Variants in RORA observed in about 807,000 individuals in gnomAD.
RORA encodes the protein RAR related orphan receptor A.
Under a neutral mutation model 69.5 loss-of-function variants are expected in RORA, and 7 were observed. That is an observed-to-expected ratio of 0.10 (90% CI 0.06 to 0.19). RORA has a LOEUF of 0.19. RORA is among the 10% of genes least tolerant of loss of function. RORA has a pLI of 1.00. For synonymous variants in RORA, 261 were observed against 240.8 expected (o/e 1.08, Z -0.78); for missense variants, 457 against 663.0 (o/e 0.69, Z 3.41).
At chr15:60,519,029 A>G (rs185079025) in intron 3 of RORA, among the ~76,000 whole-genome samples, 61 of 152,342 alleles carry the variant, frequency 4.0e-4, no homozygotes, top group Admixed American at 5.2e-4. Context: ...ATTGTTCTGT[A>G]TTATTATTAT....
intron 1 of RORA, among the ~76,000 whole-genome samples, chr15:60,773,484 T>G (rs1353572866): frequency 6.6e-6 from 1 of 152,174 alleles, no homozygotes; most frequent in African/African-American, 2.4e-5. Context: ...TTCAAAAATT[T>G]ACATTGGTAC....
At chr15:60,752,389 C>G (rs1354408978) in intron 1 of RORA, among the ~76,000 whole-genome samples, 1 of 152,068 alleles carries the variant, frequency 6.6e-6, no homozygotes, top group East Asian at 1.9e-4. Context: ...AGTGTGGCGA[C>G]GGTTGTTTTC....
At chr15:61,001,604 C>A (rs1894747084) in intron 1 of RORA, among the ~76,000 whole-genome samples, 1 of 152,220 alleles carries the variant, frequency 6.6e-6, no homozygotes, top group Non-Finnish European at 1.5e-5. Flanking sequence ...ACTCTTTCAA[C>A]AAGTATCTCC....
At chr15:61,206,897 G>A (rs1027626649) in intron 1 of RORA, among the ~76,000 whole-genome samples, 1 of 152,162 alleles carries the variant, frequency 6.6e-6, no homozygotes, top group Admixed American at 6.5e-5. Context: ...GGACCCAAGA[G>A]GCAGGGTGTG....
intron 1 of RORA, among the ~76,000 whole-genome samples, chr15:60,788,984 C>T (rs941933807): frequency 2.6e-5 from 4 of 152,174 alleles, no homozygotes; most frequent in South Asian, 2.1e-4. Flanking sequence ...ACCTACAAAG[C>T]GTTACCCACA....
intron 1 of RORA, among the ~76,000 whole-genome samples, chr15:60,954,793 C>T (rs1253392671): frequency 6.6e-6 from 1 of 152,174 alleles, no homozygotes; most frequent in African/African-American, 2.4e-5. Flanking sequence ...TTGCTGAGCT[C>T]TCCAAGCACT....
intron 1 of RORA, among the ~76,000 whole-genome samples, chr15:60,924,832 A>T (rs545414738): frequency 6.6e-6 from 1 of 152,212 alleles, no homozygotes; most frequent in Non-Finnish European, 1.5e-5. Flanking sequence ...TAATCCCAGC[A>T]CTTTGGGAGG....
chr15:60,944,895 T>A (rs1389422217), intron 1 of RORA, among the ~76,000 whole-genome samples: 1 of 152,170 alleles, frequency 6.6e-6, no homozygotes, highest in Non-Finnish European at 1.5e-5. Context: ...GACTTCCCAC[T>A]GACTGACCTA....
rs547422800 is a variant in RORA at position 60,888,765 on chromosome 15, G to A, written c.167-210079C>T. 3.1e-3 allele frequency among the ~76,000 whole-genome samples: 478 copies of A among 152,272 alleles called. 6 individuals are homozygous for A. Among genetic ancestry groups the A allele is most frequent in the Middle Eastern group, 3.4e-3 (1 of 294 alleles). ...CTTGTCAATTAGAGTGAGCCACAGA[G>A]AAAAGCTGTCTGTGCTCCGGGAGAG... On this transcript the variant is annotated intron_variant, in intron 1 of 10. Transcript: ENST00000335670.
chr15:61,178,470 C>T (rs1475405898), intron 1 of RORA, among the ~76,000 whole-genome samples: 8 of 151,470 alleles, frequency 5.3e-5, no homozygotes, highest in Admixed American at 3.9e-4. Context: ...ATTTTATGAG[C>T]AGAAAAATAT....
intron 1 of RORA, among the ~76,000 whole-genome samples, chr15:60,937,570 G>A (rs536305839): frequency 6.6e-6 from 1 of 152,260 alleles, no homozygotes; most frequent in African/African-American, 2.4e-5. Flanking sequence ...ATGTATGATT[G>A]GTCCTTAGAG....
intron 2 of RORA, among the ~76,000 whole-genome samples, chr15:60,639,013 T>C (rs2069890024): frequency 6.6e-6 from 1 of 152,150 alleles, no homozygotes; most frequent in South Asian, 2.1e-4. Flanking sequence ...ATACTATATC[T>C]GCGTTAGTCT....
intron 1 of RORA, among the ~76,000 whole-genome samples, chr15:61,015,993 T>C (rs1054804492): frequency 6.6e-6 from 1 of 152,040 alleles, no homozygotes; most frequent in Non-Finnish European, 1.5e-5. Context: ...AGGGCTTGAG[T>C]CATGATATCG....
At chr15:60,891,886 T>G (rs2073816592) in intron 1 of RORA, among the ~76,000 whole-genome samples, 1 of 152,242 alleles carries the variant, frequency 6.6e-6, no homozygotes, top group African/African-American at 2.4e-5. Context: ...CCTGGATGCC[T>G]TCGTGGCTTC....
rs574103052 is a variant in RORA, at chr15:61,125,624, A to G, written c.166+103429T>C. On this transcript the variant is annotated intron_variant, in intron 1 of 10. Coordinates refer to ENST00000335670, the MANE Select transcript of RORA (RefSeq NM_134261.3). ...AAAAGTAACTTTATTATACCATTTC[A>G]ATTATTTCCCTATGAACTAATTCTT... Among the ~76,000 whole-genome samples the G allele has an allele frequency of 6.6e-5, 10 of 152,348 alleles. No individual in the cohort carries two copies. In the East Asian group the frequency reaches 1.9e-3, roughly 29 times the overall value.
chr15:61,219,989 T>G (rs2080079717), intron 1 of RORA, among the ~76,000 whole-genome samples: 1 of 152,212 alleles, frequency 6.6e-6, no homozygotes, highest in Admixed American at 6.5e-5. Context: ...AATCCTTGAC[T>G]GTCATCCTTC....
rs547722681 is a variant in RORA, at chr15:60,840,729, C to G, written c.167-162043G>C. On this transcript the variant is annotated intron_variant, in intron 1 of 10. Coordinates refer to ENST00000335670, the MANE Select transcript of RORA (RefSeq NM_134261.3). ...TCTTACCCAGCCTCTCTGGACATCCCAGGAATGGGGGGCTTAGCTTCTGGT... is the reference window on the plus strand; with the variant it reads ...TCTTACCCAGCCTCTCTGGACATCCGAGGAATGGGGGGCTTAGCTTCTGGT... Among the ~76,000 whole-genome samples, 5 of 152,326 alleles carry G rather than the reference C, an allele frequency of 3.3e-5. No individual in the cohort carries two copies. In the East Asian group the frequency reaches 7.7e-4, roughly 24 times the overall value.
At chr15:60,986,566 A>G (rs1894208866) in intron 1 of RORA, among the ~76,000 whole-genome samples, 1 of 152,136 alleles carries the variant, frequency 6.6e-6, no homozygotes, top group Admixed American at 6.5e-5. Context: ...TGGCCATGGG[A>G]GCTTTAGACA....
chr15:61,087,025 G>T (rs953951901), intron 1 of RORA, among the ~76,000 whole-genome samples: 2 of 152,086 alleles, frequency 1.3e-5, no homozygotes, highest in Non-Finnish European at 2.9e-5. Context: ...TTTAAAAATT[G>T]GCCAGCCATG....
Sources: gnomAD v4.1 joint callset for allele counts (sites outside exome capture counted in the v4.1 genomes callset) on GRCh38, gnomAD v4.1.1 for gene constraint, MANE v1.5 for transcripts, NCBI Gene and HGNC (gene_info 2026-07-23, HGNC 2026-07-21) for gene names.